Variants in EYS observed in about 807,000 individuals in gnomAD.
EYS encodes the protein protein eyes shut homolog.
EYS carries 250 observed loss-of-function variants against 282.1 expected under a neutral mutation model. The ratio of observed to expected loss-of-function variants is 0.89; its 90% CI spans 0.80 to 0.98. EYS has a LOEUF of 0.98. Ranked by LOEUF, EYS falls within the 50% of genes least tolerant of loss-of-function variation. EYS has a pLI of 0.00. For synonymous variants in EYS, 1,355 were observed against 1,282.9 expected, an observed-to-expected ratio of 1.06 and a Z score of -1.20; for missense variants, 4,016 against 3,709.0, an observed-to-expected ratio of 1.08 and a Z score of -2.15.
chr6:65,104,926 A>T (rs1416173377), intron 12 of EYS, among the ~76,000 whole-genome samples: 1 of 151,656 alleles, frequency 6.6e-6, no homozygotes, highest in Non-Finnish European at 1.5e-5. Flanking sequence ...GAAATCACAT[A>T]CTAATTTTGT....
At chr6:63,817,940 A>G (rs371260308) in intron 36 of EYS, among the ~76,000 whole-genome samples, 5 of 152,260 alleles carry the variant, frequency 3.3e-5, no homozygotes, top group African/African-American at 1.2e-4. Context: ...GCACTATCCC[A>G]AGGCAGGCTT....
chr6:64,416,105 C>G (rs1458832650), intron 28 of EYS, among the ~76,000 whole-genome samples: 1 of 152,106 alleles, frequency 6.6e-6, no homozygotes, highest in Non-Finnish European at 1.5e-5. Flanking sequence ...TTTTGGCTAC[C>G]TTCGCACATG....
At chr6:64,019,701 G>A (rs58949381) in intron 33 of EYS, among the ~76,000 whole-genome samples, 4 of 151,780 alleles carry the variant, frequency 2.6e-5, no homozygotes, top group Non-Finnish European at 5.9e-5. Context: ...GAGCCACCAC[G>A]CTCAGCCTCG....
intron 14 of EYS, among the ~76,000 whole-genome samples, chr6:64,966,331 G>T (rs963501555): frequency 1.3e-5 from 2 of 151,896 alleles, no homozygotes; most frequent in South Asian, 4.2e-4. Context: ...ATTGGTGTTG[G>T]GGGGGGTATT....
chr6:64,411,725 G>T (rs2150443998), intron 28 of EYS, among the ~76,000 whole-genome samples: 1 of 152,100 alleles, frequency 6.6e-6, no homozygotes, highest in South Asian at 2.1e-4. Context: ...GCTTGCACTT[G>T]TAGTCCTAGC....
At chr6:64,197,814 A>G (rs1027705935) in intron 31 of EYS, among the ~76,000 whole-genome samples, 5 of 149,816 alleles carry the variant, frequency 3.3e-5, no homozygotes, top group African/African-American at 1.2e-4. Context: ...TTACACCTTT[A>G]TTTTTAACTT....
At chr6:63,958,899 C>T (rs766316386) in intron 35 of EYS, among the ~76,000 whole-genome samples, 17 of 152,126 alleles carry the variant, frequency 1.1e-4, no homozygotes, top group East Asian at 1.9e-4. Flanking sequence ...GAAATGTGTT[C>T]GCTGACAATG....
intron 22 of EYS, among the ~76,000 whole-genome samples, chr6:64,630,333 G>A (rs374650482): frequency 1.3e-5 from 2 of 152,032 alleles, no homozygotes; most frequent in East Asian, 1.9e-4. Context: ...TCCTGACCTC[G>A]TGATCCACCT....
chr6:64,611,076 G>A (rs1767100434), intron 24 of EYS, among the ~76,000 whole-genome samples: 1 of 152,064 alleles, frequency 6.6e-6, no homozygotes, highest in African/African-American at 2.4e-5. Context: ...TTTTTAGGTG[G>A]TAGATTTCAT....
At chr6:65,214,656 G>A (rs1766267001) in intron 12 of EYS, among the ~76,000 whole-genome samples, 1 of 152,128 alleles carries the variant, frequency 6.6e-6, no homozygotes, top group African/African-American at 2.4e-5. Flanking sequence ...GTTCAACGTA[G>A]ACAAAAAAGC....
chr6:65,500,152 T>C (rs909039584), intron 2 of EYS, among the ~76,000 whole-genome samples: 3 of 151,972 alleles, frequency 2.0e-5, no homozygotes, highest in Non-Finnish European at 4.4e-5. Flanking sequence ...TACCATCTCA[T>C]ACACAAATGC....
At position 64,644,672 on chromosome 6, in the gene EYS, T is replaced by C. The variant is rs573457991; in HGVS notation, c.3444-18427A>G. On this transcript the variant is annotated intron_variant, in intron 22 of 42. Transcript: ENST00000503581. ...GAAAAGATGATGAGCAAGGAAATTA[T>C]ATATGCATGGAAAAATATGTTTGCA... 2.6e-5 allele frequency among the ~76,000 whole-genome samples: 4 copies of C among 152,308 alleles called. No homozygotes were observed. In the South Asian group the frequency reaches 6.2e-4, roughly 24 times the overall value.
At chr6:64,961,598 G>T (rs1769921046) in intron 14 of EYS, among the ~76,000 whole-genome samples, 1 of 151,824 alleles carries the variant, frequency 6.6e-6, no homozygotes, top group Admixed American at 6.6e-5. Context: ...TTATAAGCTA[G>T]GAATAATGTT....
intron 35 of EYS, among the ~76,000 whole-genome samples, chr6:63,936,673 A>G (rs1162098708): frequency 6.6e-6 from 1 of 152,230 alleles, no homozygotes; most frequent in Non-Finnish European, 1.5e-5. Context: ...GGAGCTTTTT[A>G]TATGCCAGGT....
intron 36 of EYS, among the ~76,000 whole-genome samples, chr6:63,841,590 CTTT>C (rs1394540014): frequency 6.6e-6 from 1 of 152,030 alleles, no homozygotes; most frequent in African/African-American, 2.4e-5. Flanking sequence ...GCAATGACTT[CTTT>C]GTTTCTTCAC....
chr6:63,896,458 T>C (rs1050294673), intron 35 of EYS, among the ~76,000 whole-genome samples: 1 of 152,162 alleles, frequency 6.6e-6, no homozygotes, highest in African/African-American at 2.4e-5. Context: ...AGTACAGAGT[T>C]CCCATATACC....
At chr6:64,381,056 A>G (rs536931185) in intron 29 of EYS, among the ~76,000 whole-genome samples, 286 of 152,080 alleles carry the variant, frequency 1.9e-3, no homozygotes, top group Non-Finnish European at 3.0e-3. Context: ...CAGATATTAC[A>G]TGTATAATAC....
Position 63,817,959 on chromosome 6 carries a change from G to T in EYS, c.7229-11587C>A, listed in dbSNP as rs150136344. Among the ~76,000 whole-genome samples the T allele has an allele frequency of 2.2e-4, 33 of 152,266 alleles. No individual in the cohort carries two copies. The East Asian group carries it at 6.2e-3, about 29-fold the overall frequency. On this transcript the variant is annotated intron_variant, in intron 36 of 42. Coordinates refer to ENST00000503581, the MANE Select transcript of EYS (RefSeq NM_001142800.2). ...TATCCCAAGGCAGGCTTCTCACTGT[G>T]TGTGTGCATGTGTGCCTGTTAATGT...
At chr6:63,747,779 A>C (rs928471984) in intron 41 of EYS, among the ~76,000 whole-genome samples, 1 of 150,330 alleles carries the variant, frequency 6.7e-6, no homozygotes, top group Non-Finnish European at 1.5e-5. Flanking sequence ...ACCTCTGCTT[A>C]TTTTTGCTTT....
Sources: gnomAD v4.1 joint callset for allele counts (sites outside exome capture counted in the v4.1 genomes callset) on GRCh38, gnomAD v4.1.1 for gene constraint, MANE v1.5 for transcripts, NCBI Gene and HGNC (gene_info 2026-07-23, HGNC 2026-07-21) for gene names.